Variants in RFX2 observed in about 807,000 individuals in gnomAD.
RFX2 encodes regulatory factor X2.
In RFX2, 20 loss-of-function variants were observed where a neutral mutation model predicts 87.8. The ratio of observed to expected loss-of-function variants is 0.23; its 90% CI spans 0.16 to 0.33. RFX2 has a LOEUF of 0.33. Among genes scored for constraint, RFX2 ranks in the 10% least tolerant of loss-of-function variants. The pLI is 1.00. For missense variants in RFX2, 767 were observed against 1,012.3 expected, an observed-to-expected ratio of 0.76 and a Z score of 3.29; for synonymous variants, 397 against 431.3, an observed-to-expected ratio of 0.92 and a Z score of 0.98.
At position 6,061,646 on chromosome 19, in the gene RFX2, TC is replaced by T. The variant is rs1490242455; in HGVS notation, c.-8-14143del. Among the ~76,000 whole-genome samples the T allele has an allele frequency of 6.6e-6, 1 of 152,248 alleles. No individual in the cohort carries two copies. The highest frequency in any genetic ancestry group is 2.4e-5 in the African/African-American group (1 of 41,548). ...GCCGGGGGAAAAAGACTTTGCAACC[TC>T]CATTATTTATATAAATAAGAACAAA... On this transcript the variant is annotated intron_variant, in intron 1 of 17. Transcript: ENST00000303657. The surrounding 1 kb of genome is among the most constrained non-coding windows in gnomAD (Gnocchi z 5.2).
At chr19:6,009,219 C>T (rs573004944) in intron 9 of RFX2, among the ~76,000 whole-genome samples, 2 of 152,330 alleles carry the variant, frequency 1.3e-5, no homozygotes, top group East Asian at 1.9e-4. Context: ...GCCGAAGACT[C>T]AACCCAGGAG....
chr19:6,040,523 G>A lies in RFX2; in HGVS notation c.261-282C>T, dbSNP rs1467597042. On this transcript the variant is annotated intron_variant, in intron 4 of 17. Transcript: ENST00000303657. The surrounding 1 kb of genome is among the most constrained non-coding windows in gnomAD (Gnocchi z 6.1). ...GCCTGTAATCCCAGCACTTTGGGAG[G>A]CTAAGGTGGGAAAATTGCTTGAGGT... Among the ~76,000 whole-genome samples the A allele has an allele frequency of 6.6e-6, 1 of 152,206 alleles. No individual in the cohort carries two copies. The highest frequency in any genetic ancestry group is 2.4e-5 in the African/African-American group (1 of 41,456).
At position 6,010,813 on chromosome 19, in the gene RFX2, T is replaced by C. The variant is rs2086650377; in HGVS notation, c.900-562A>G. On this transcript the variant is annotated intron_variant, in intron 8 of 17. Coordinates refer to ENST00000303657, the MANE Select transcript of RFX2 (RefSeq NM_000635.4). This position sits in a 1 kb window ranked among gnomAD's most constrained non-coding sequence, Gnocchi z 5.0. Reference sequence around the variant, plus strand: ...TATTTTCCCCCTAACATTTCTCTCTTAGAAAAAAAAGTGAAATTCTTGGCC... The same window carrying C: ...TATTTTCCCCCTAACATTTCTCTCTCAGAAAAAAAAGTGAAATTCTTGGCC... 6.6e-6 allele frequency among the ~76,000 whole-genome samples: 1 copy of C among 152,104 alleles called. No homozygotes were observed. Among genetic ancestry groups the C allele is most frequent in the South Asian group, 2.1e-4 (1 of 4,830 alleles).
At position 6,007,734 on chromosome 19, in the gene RFX2, G is replaced by A. The variant is rs770698572; in HGVS notation, c.1203C>T (p.Asn401=). The change falls in exon 11 of 18, where the codon AAC becomes AAT. Residue 401 remains asparagine, a synonymous_variant. Coordinates refer to ENST00000303657, the MANE Select transcript of RFX2 (RefSeq NM_000635.4). The surrounding 1 kb of genome is among the most constrained non-coding windows in gnomAD (Gnocchi z 8.2). ...GGCCGTCGCTGGAGGAGGCCTTAGA[G>A]TTCCAGAAGGAGAGCCACAGCTTCT... ...YIEKLWLSFW[N]SKASSSDGPT... 5.8e-6 allele frequency: 9 copies of A among 1,556,430 alleles called. No homozygotes were observed. In the East Asian group the frequency reaches 2.2e-4, roughly 38 times the overall value.
At chr19:6,006,455 A>C (rs904587242) in intron 12 of RFX2, among the ~76,000 whole-genome samples, 6 of 143,890 alleles carry the variant, frequency 4.2e-5, no homozygotes, top group Admixed American at 4.1e-4. Flanking sequence ...CACCATGCCC[A>C]GCTCATTTTT....
rs1218829179 is a variant in RFX2 at position 6,063,644 on chromosome 19, G to T, written c.-8-16140C>A. On this transcript the variant is annotated intron_variant, in intron 1 of 17. Transcript: ENST00000303657. The surrounding 1 kb of genome is among the most constrained non-coding windows in gnomAD (Gnocchi z 4.0). The stretch of plus-strand genomic sequence containing the variant: ...CCAGCAGCTCCAAAGGGGATCCCAG[G>T]CAAGTGATGAGCAGTGGGGAAACCC... Among the ~76,000 whole-genome samples the T allele has an allele frequency of 1.3e-5, 2 of 152,218 alleles. No individual in the cohort carries two copies. The highest frequency in any genetic ancestry group is 4.8e-5 in the African/African-American group (2 of 41,458).
chr19:6,010,381 CAT>C lies in RFX2; in HGVS notation c.900-132_900-131del. ...TGTTTACAAGTTGCGGTCAAATACA[CAT>C]AACACAAAAGCTACCATCGGAACCA... On this transcript the variant is annotated intron_variant, in intron 8 of 17. Coordinates refer to ENST00000303657, the MANE Select transcript of RFX2 (RefSeq NM_000635.4). This position sits in a 1 kb window ranked among gnomAD's most constrained non-coding sequence, Gnocchi z 5.0. The C allele has an allele frequency of 1.6e-6, 1 of 642,348 alleles. No homozygotes were observed. The allele number at this position is 642,348 out of a possible 1,614,324, so 39.8% of individuals were successfully genotyped here.
Position 6,026,252 on chromosome 19 carries a change from T to A in RFX2, c.523-15A>T, listed in dbSNP as rs746881439. On this transcript the variant is annotated splice_polypyrimidine_tract_variant and intron_variant, in intron 5 of 17. Transcript: ENST00000303657. This position sits in a 1 kb window ranked among gnomAD's most constrained non-coding sequence, Gnocchi z 4.5. ...GCCATTTCAAGCTAAAGAAAATGTG[T>A]GCAGAAACAAAACAAAACAAAATGG... 2 of 1,601,640 alleles carry A rather than the reference T, an allele frequency of 1.2e-6. No homozygotes were observed. Among genetic ancestry groups the A allele is most frequent in the Non-Finnish European group, 8.5e-7 (1 of 1,173,604 alleles).
rs893342463 is a variant in RFX2 at position 5,994,656 on chromosome 19, T to C, written c.*179A>G. The C allele has an allele frequency of 1.7e-6, 1 of 593,034 alleles. No homozygotes were observed. The highest frequency in any genetic ancestry group is 3.0e-6 in the Non-Finnish European group (1 of 331,958). 36.7% of individuals were successfully genotyped at this position (593,034 alleles called of 1,614,324 possible). ...AGCCAGTGGGAGCCCTGGCCTGGGCTTCTGTAGCTTCAACAACTGCTTTCC... is the reference window on the plus strand; with the variant it reads ...AGCCAGTGGGAGCCCTGGCCTGGGCCTCTGTAGCTTCAACAACTGCTTTCC... On this transcript the variant is annotated 3_prime_UTR_variant, in exon 18 of 18. Transcript: ENST00000303657.
At position 6,001,672 on chromosome 19, in the gene RFX2, G is replaced by GT. The variant is rs912469641; in HGVS notation, c.1859+142dup. Reference sequence around the variant, plus strand: ...GAGTGAGGCCCCCAGCCAGGTAGTTGTTTTTTGCGGGTTCAGACACTGCTG... The same window carrying GT: ...GAGTGAGGCCCCCAGCCAGGTAGTTGTTTTTTTGCGGGTTCAGACACTGCTG... On this transcript the variant is annotated intron_variant, in intron 15 of 17. Coordinates refer to ENST00000303657, the MANE Select transcript of RFX2 (RefSeq NM_000635.4). This position sits in a 1 kb window ranked among gnomAD's most constrained non-coding sequence, Gnocchi z 5.6. 4.4e-6 allele frequency: 3 copies of GT among 688,236 alleles called. No homozygotes were observed. The Admixed American group carries it at 1.0e-4, about 23-fold the overall frequency. 42.6% of individuals were successfully genotyped at this position (688,236 alleles called of 1,614,324 possible). A position where few individuals can be genotyped will look rare whatever the true frequency, so the allele number is the denominator to read the frequency against.
At chr19:6,032,689 T>C (rs549520471) in intron 5 of RFX2, among the ~76,000 whole-genome samples, 1 of 152,362 alleles carries the variant, frequency 6.6e-6, no homozygotes, top group South Asian at 2.1e-4. Context: ...TGAGATCACA[T>C]TCACACTTGC....
At chr19:6,014,521 G>A (rs2086699371) in intron 7 of RFX2, among the ~76,000 whole-genome samples, 1 of 152,328 alleles carries the variant, frequency 6.6e-6, no homozygotes, top group South Asian at 2.1e-4. Context: ...TTACAGGCGT[G>A]AGCAACCATG....
rs915711433 is a variant in RFX2, at chr19:6,027,317, G to C, written c.523-1080C>G. The C allele has an allele frequency of 6.6e-6, 1 of 152,226 alleles. No homozygotes were observed. Among genetic ancestry groups the C allele is most frequent in the African/African-American group, 2.4e-5 (1 of 41,446 alleles). 9.4% of individuals were successfully genotyped at this position (152,226 alleles called of 1,614,324 possible). On this transcript the variant is annotated intron_variant, in intron 5 of 17. Transcript: ENST00000303657. The surrounding 1 kb of genome is among the most constrained non-coding windows in gnomAD (Gnocchi z 5.0). ...ATTAGCTACCCTTGCTTCAAGCCAAGGAGGACGTCAGGGTCACCTTTAAGA... is the reference window on the plus strand; with the variant it reads ...ATTAGCTACCCTTGCTTCAAGCCAACGAGGACGTCAGGGTCACCTTTAAGA...
At chr19:6,028,321 G>C (rs2086915749) in intron 5 of RFX2, among the ~76,000 whole-genome samples, 1 of 152,066 alleles carries the variant, frequency 6.6e-6, no homozygotes, top group African/African-American at 2.4e-5. Flanking sequence ...ATCTCCATCT[G>C]TTATTGTATA....
At chr19:6,084,117 G>T (rs1039566062) in intron 1 of RFX2, among the ~76,000 whole-genome samples, 1 of 152,128 alleles carries the variant, frequency 6.6e-6, no homozygotes, top group Non-Finnish European at 1.5e-5. Context: ...TTTCCATTAG[G>T]CTCAAAAGCA....
intron 1 of RFX2, chr19:6,072,844 G>A (rs918145399): frequency 5.4e-6 from 7 of 1,294,930 alleles, no homozygotes; most frequent in Admixed American, 3.4e-5. Context: ...CAGACCCCTC[G>A]TGAAGCCCAA....
Position 6,047,344 on chromosome 19 carries a change from C to T in RFX2, c.90+63G>A. The T allele has an allele frequency of 7.5e-7, 1 of 1,334,464 alleles. No individual in the cohort carries two copies. Among genetic ancestry groups the T allele is most frequent in the Non-Finnish European group, 1.0e-6 (1 of 965,128 alleles). 82.7% of individuals were successfully genotyped at this position (1,334,464 alleles called of 1,614,324 possible). On this transcript the variant is annotated intron_variant, in intron 2 of 17. Coordinates refer to ENST00000303657, the MANE Select transcript of RFX2 (RefSeq NM_000635.4). This position sits in a 1 kb window ranked among gnomAD's most constrained non-coding sequence, Gnocchi z 4.2. ...TCTCTTTGCAGATCTGAGCAGCTTTCAAACCCATAGAGATCGCGTCCACAC... is the reference window on the plus strand; with the variant it reads ...TCTCTTTGCAGATCTGAGCAGCTTTTAAACCCATAGAGATCGCGTCCACAC...
At chr19:6,102,835 C>T (rs776786512) in intron 1 of RFX2, among the ~76,000 whole-genome samples, 7 of 152,200 alleles carry the variant, frequency 4.6e-5, no homozygotes, top group Non-Finnish European at 8.8e-5. Context: ...ATACAAGAAG[C>T]CTCTTATGGC....
chr19:6,018,534 C>T (rs1171273924), intron 6 of RFX2, among the ~76,000 whole-genome samples: 3 of 152,126 alleles, frequency 2.0e-5, no homozygotes, highest in African/African-American at 4.8e-5. Context: ...TCTCTTAAGC[C>T]GAATTGCAGG....
Sources: gnomAD v4.1 joint callset for allele counts (sites outside exome capture counted in the v4.1 genomes callset) on GRCh38, gnomAD v4.1.1 for gene constraint, Gnocchi (gnomAD v3.1) non-coding constraint, MANE v1.5 for transcripts, NCBI Gene and HGNC (gene_info 2026-07-23, HGNC 2026-07-21) for gene names.